CACNA1A: variants seen among roughly 807,000 people sequenced by gnomAD.
CACNA1A encodes calcium voltage-gated channel subunit alpha1 A.
Under a neutral mutation model 262.4 loss-of-function variants are expected in CACNA1A, and 57 were observed. The observed-to-expected ratio is 0.22, with a 90% confidence interval of 0.18 to 0.27. The LOEUF (loss-of-function observed/expected upper bound fraction) is 0.27, where lower values mean the gene tolerates loss of function less well. Ranked by LOEUF, CACNA1A falls within the 10% of genes least tolerant of loss-of-function variation. The pLI, the probability that CACNA1A is intolerant of heterozygous loss-of-function variation, is 1.00. For synonymous variants in CACNA1A, 1,431 were observed against 1,419.3 expected, an observed-to-expected ratio of 1.01 and a Z score of -0.18; for missense variants, 2,526 against 3,562.8, an observed-to-expected ratio of 0.71 and a Z score of 7.41.
At position 13,365,523 on chromosome 19, in the gene CACNA1A, C is replaced by A. The variant is rs1186231279; in HGVS notation, c.632-54G>T. 1.9e-6 allele frequency: 3 copies of A among 1,541,694 alleles called. No homozygotes were observed. In the East Asian group the frequency reaches 6.8e-5, roughly 35 times the overall value. On this transcript the variant is annotated intron_variant, in intron 4 of 46. Coordinates refer to ENST00000360228, the MANE Select transcript of CACNA1A (RefSeq NM_001127222.2). ...AGCCCATGAGCAAGTACCCCCAAAC[C>A]CCGCCACCAAGACGCCCAGGTCTCT...
intron 3 of CACNA1A, among the ~76,000 whole-genome samples, chr19:13,376,323 A>G (rs2059403780): frequency 6.6e-6 from 1 of 152,180 alleles, no homozygotes; most frequent in Admixed American, 6.6e-5. Flanking sequence ...TTCAAAGGAC[A>G]GGCTGACTCT....
At position 13,489,868 on chromosome 19, in the gene CACNA1A, T is replaced by C. The variant is rs374573334; in HGVS notation, c.293+16064A>G. 2.8e-4 allele frequency among the ~76,000 whole-genome samples: 42 copies of C among 152,326 alleles called. No individual in the cohort carries two copies. The East Asian group carries it at 7.7e-3, about 28-fold the overall frequency. On this transcript the variant is annotated intron_variant, in intron 1 of 46. Transcript: ENST00000360228. ...GTTTCCTCCTATCTCAGTTTCTCAGTTGTATCTCCTGTCACCTCCAAATGC... is the reference window on the plus strand; with the variant it reads ...GTTTCCTCCTATCTCAGTTTCTCAGCTGTATCTCCTGTCACCTCCAAATGC...
chr19:13,498,178 A>G (rs1366297317), intron 1 of CACNA1A, among the ~76,000 whole-genome samples: 2 of 152,102 alleles, frequency 1.3e-5, no homozygotes, highest in Non-Finnish European at 2.9e-5. Context: ...AGAACGTGAC[A>G]GACTCTGGAA....
At chr19:13,269,712 G>A (rs2056966828) in intron 24 of CACNA1A, among the ~76,000 whole-genome samples, 1 of 152,190 alleles carries the variant, frequency 6.6e-6, no homozygotes, top group Non-Finnish European at 1.5e-5. Flanking sequence ...CACGTGTGAT[G>A]GCTCATGAAA....
chr19:13,314,389 T>C (rs894852866), intron 11 of CACNA1A, among the ~76,000 whole-genome samples: 9 of 152,214 alleles, frequency 5.9e-5, no homozygotes, highest in Non-Finnish European at 7.3e-5. Flanking sequence ...TGTAACAGTA[T>C]TAAGAGGTGG....
Position 13,371,596 on chromosome 19 carries a change from G to A in CACNA1A, c.631+92C>T, listed in dbSNP as rs187456102. 292 of 875,622 alleles carry A rather than the reference G, an allele frequency of 3.3e-4. 1 individual carries two copies. Among genetic ancestry groups the A allele is most frequent in the Admixed American group, 1.5e-3 (68 of 46,292 alleles). 54.2% of individuals were successfully genotyped at this position (875,622 alleles called of 1,614,324 possible). On this transcript the variant is annotated intron_variant, in intron 4 of 46. Coordinates refer to ENST00000360228, the MANE Select transcript of CACNA1A (RefSeq NM_001127222.2). ...CTGCCCTCACACAGGCTGGTGGCAG[G>A]ATGTGGCCTCCTGAGATGCTCTGCA...
At chr19:13,431,946 A>G (rs2060512659) in intron 3 of CACNA1A, among the ~76,000 whole-genome samples, 1 of 151,566 alleles carries the variant, frequency 6.6e-6, no homozygotes, top group African/African-American at 2.4e-5. Flanking sequence ...CCCTACTAAA[A>G]ATACAAAAAT....
intron 3 of CACNA1A, among the ~76,000 whole-genome samples, chr19:13,425,171 A>G (rs188952572): frequency 1.3e-5 from 2 of 152,264 alleles, no homozygotes; most frequent in Admixed American, 6.5e-5. Context: ...ACGATGACAA[A>G]TCCTGCATAA....
intron 1 of CACNA1A, among the ~76,000 whole-genome samples, chr19:13,494,945 C>A (rs1981319249): frequency 6.6e-6 from 1 of 152,132 alleles, no homozygotes; most frequent in Non-Finnish European, 1.5e-5. Context: ...AAAACCATAT[C>A]AATCAGTAAT....
chr19:13,482,841 T>C (rs1979499936), intron 1 of CACNA1A, among the ~76,000 whole-genome samples: 1 of 146,704 alleles, frequency 6.8e-6, no homozygotes, highest in Admixed American at 7.1e-5. Flanking sequence ...CCCTTCTTTC[T>C]CTCAACTTGT....
rs1224207213 is a variant in CACNA1A, at chr19:13,330,252, G to A, written c.1337C>T (p.Ala446Val). ...EEAEDQLADI[A>V]SVGSPFARAS... is the part of the protein sequence containing the mutation. ...CAGAGGAAGGGACTCACCCACAGAG[G>A]CTATATCAGCCAGCTGATCCTCAGC... The change falls in exon 10 of 47, where the codon GCC (alanine) becomes GTC (valine). Residue 446 changes from alanine (A) to valine (V), a missense_variant. By Grantham distance (64) the Ala-to-Val change is moderately conservative (BLOSUM62 0). Coordinates refer to ENST00000360228, the MANE Select transcript of CACNA1A (RefSeq NM_001127222.2). 1 of 1,555,302 alleles carries A rather than the reference G, an allele frequency of 6.4e-7. No homozygotes were observed. The highest frequency in any genetic ancestry group is 8.7e-7 in the Non-Finnish European group (1 of 1,148,136).
At position 13,212,827 on chromosome 19, in the gene CACNA1A, T is replaced by TACACACACAC. The variant is rs61178346; in HGVS notation, c.5941-97_5941-88dup. On this transcript the variant is annotated intron_variant, in intron 40 of 46. Transcript: ENST00000360228. The surrounding 1 kb of genome is among the most constrained non-coding windows in gnomAD (Gnocchi z 5.6). ...AGAAGGCATTGCGACATCCCCAGTA[T>TACACACACAC]ACACACACACACACACACACACTCT... 1.8e-3 allele frequency: 926 copies of TACACACACAC among 518,354 alleles called. 1 individual carries two copies. The highest frequency in any genetic ancestry group is 4.8e-3 in the African/African-American group (240 of 50,058). 32.1% of individuals were successfully genotyped at this position (518,354 alleles called of 1,614,324 possible).
intron 1 of CACNA1A, among the ~76,000 whole-genome samples, chr19:13,496,505 C>A (rs148890437): frequency 5.3e-5 from 8 of 152,180 alleles, no homozygotes; most frequent in African/African-American, 1.9e-4. Flanking sequence ...ATTGCTGAGA[C>A]GTGGGGAAAA....
At chr19:13,339,746 T>C (rs1600373158) in intron 6 of CACNA1A, among the ~76,000 whole-genome samples, 3 of 151,764 alleles carry the variant, frequency 2.0e-5, no homozygotes, top group African/African-American at 7.3e-5. Flanking sequence ...GATGGTAAAT[T>C]TTATGTCATG....
intron 6 of CACNA1A, among the ~76,000 whole-genome samples, chr19:13,344,823 A>G (rs1185592907): frequency 1.3e-5 from 2 of 151,944 alleles, no homozygotes; most frequent in Non-Finnish European, 2.9e-5. Context: ...GGCACGATCT[A>G]GGCTCACTGC....
chr19:13,404,999 C>T lies in CACNA1A; in HGVS notation c.540-33220G>A, dbSNP rs777026166. On this transcript the variant is annotated intron_variant, in intron 3 of 46. Coordinates refer to ENST00000360228, the MANE Select transcript of CACNA1A (RefSeq NM_001127222.2). ...GCAACTTCCACCTCCCGGGTTCAAG[C>T]GATTCTCCTGCCTCAGCCTCCTGAG... Among the ~76,000 whole-genome samples the T allele has an allele frequency of 4.0e-5, 6 of 151,868 alleles. No individual in the cohort carries two copies. The East Asian group carries it at 7.7e-4, about 20-fold the overall frequency.
intron 3 of CACNA1A, among the ~76,000 whole-genome samples, chr19:13,436,527 T>C (rs12979095): frequency 3.3e-5 from 5 of 151,362 alleles, no homozygotes; most frequent in Non-Finnish European, 7.4e-5. Flanking sequence ...ATTCATTCAT[T>C]CACTCACTCA....
chr19:13,435,613 C>A (rs553477722), intron 3 of CACNA1A, among the ~76,000 whole-genome samples: 1 of 151,958 alleles, frequency 6.6e-6, no homozygotes, highest in Non-Finnish European at 1.5e-5. Flanking sequence ...GAAAGATGTG[C>A]CTGGAGGATT....
chr19:13,505,764 GGAGA>G, intron 1 of CACNA1A, among the ~76,000 whole-genome samples, 164 bp downstream of exon 1: 1 of 151,680 alleles, frequency 6.6e-6, no homozygotes, highest in Non-Finnish European at 1.5e-5. Flanking sequence ...AGCTCGGGGT[GGAGA>G]GATTCTTTCA....
Sources: allele counts gnomAD v4.1 joint callset (sites outside exome capture counted in the v4.1 genomes callset), GRCh38; gene constraint gnomAD v4.1.1; non-coding constraint Gnocchi (gnomAD v3.1); transcripts MANE v1.5; gene names NCBI Gene and HGNC (gene_info 2026-07-23, HGNC 2026-07-21).